The following HIBADH variants were observed in gnomAD, a reference collection of about 807,000 sequenced individuals.
HIBADH encodes the protein 3-hydroxyisobutyrate dehydrogenase.
In HIBADH, 25 loss-of-function variants were observed where a neutral mutation model predicts 36.1. The ratio of observed to expected loss-of-function variants is 0.69; its 90% confidence interval spans 0.50 to 0.97. The LOEUF is 0.97. Among genes scored for constraint, HIBADH ranks in the 50% least tolerant of loss-of-function variants. The pLI is 0.00. For missense variants in HIBADH, 421 were observed against 418.0 expected, an observed-to-expected ratio of 1.01 and a Z score of -0.06; for synonymous variants, 160 against 149.5, an observed-to-expected ratio of 1.07 and a Z score of -0.51.
At chr7:27,585,540 C>T (rs1784849693) in intron 4 of HIBADH, among the ~76,000 whole-genome samples, 1 of 152,162 alleles carries the variant, frequency 6.6e-6, no homozygotes, top group African/African-American at 2.4e-5. Flanking sequence ...TTCATTGTGG[C>T]TCACATTTCA....
chr7:27,573,682 C>G (rs937358706), intron 4 of HIBADH, among the ~76,000 whole-genome samples: 1 of 152,126 alleles, frequency 6.6e-6, no homozygotes, highest in Non-Finnish European at 1.5e-5. Context: ...GGCAGACTCT[C>G]TAAGGCTGTG....
At chr7:27,637,700 A>G in intron 2 of HIBADH, among the ~76,000 whole-genome samples, 1 of 152,200 alleles carries the variant, frequency 6.6e-6, no homozygotes, top group Non-Finnish European at 1.5e-5. Context: ...CCATAGTCTC[A>G]GCCCAAATCT....
rs749020380 is a variant in HIBADH at position 27,629,526 on chromosome 7, A to G, written c.363-34T>C. On this transcript the variant is annotated intron_variant, in intron 3 of 7. Coordinates refer to ENST00000265395, the MANE Select transcript of HIBADH (RefSeq NM_152740.4). ...ATAAATAAAAATATTTGTAGTTTAC[A>G]ACTCTGAGTAAAAATTTCATGCAAC... The G allele has an allele frequency of 2.8e-6, 4 of 1,448,784 alleles. No individual in the cohort carries two copies. In the African/African-American group the frequency reaches 4.3e-5, roughly 16 times the overall value. 89.7% of individuals were successfully genotyped at this position (1,448,784 alleles called of 1,614,324 possible). A position where few individuals can be genotyped will look rare whatever the true frequency, so the allele number is the denominator to read the frequency against.
chr7:27,589,470 C>T (rs1784910102), intron 4 of HIBADH, among the ~76,000 whole-genome samples: 1 of 152,148 alleles, frequency 6.6e-6, no homozygotes, highest in Admixed American at 6.5e-5. Flanking sequence ...GTAATTAACA[C>T]TATTCAGTAC....
intron 2 of HIBADH, among the ~76,000 whole-genome samples, chr7:27,644,779 T>C (rs992764498): frequency 6.7e-6 from 1 of 150,254 alleles, no homozygotes; most frequent in Non-Finnish European, 1.5e-5. Context: ...AAAAAAAAAA[T>C]CAGAAATCTT....
chr7:27,540,256 T>C (rs1784128755), intron 5 of HIBADH, among the ~76,000 whole-genome samples: 1 of 152,210 alleles, frequency 6.6e-6, no homozygotes, highest in Admixed American at 6.5e-5. Flanking sequence ...CGTTCTGCCA[T>C]ACTGTCTAAT....
chr7:27,544,694 T>C (rs1784209260), intron 4 of HIBADH, among the ~76,000 whole-genome samples: 1 of 152,204 alleles, frequency 6.6e-6, no homozygotes, highest in African/African-American at 2.4e-5. Context: ...ACGATTTAAG[T>C]CAAAGCTTAC....
At chr7:27,613,507 C>A (rs1003549440) in intron 4 of HIBADH, among the ~76,000 whole-genome samples, 10 of 151,778 alleles carry the variant, frequency 6.6e-5, no homozygotes, top group African/African-American at 2.4e-4. Flanking sequence ...TCCACTGGTT[C>A]CCCCCAGGTT....
At chr7:27,634,907 G>A (rs1011139583) in intron 2 of HIBADH, among the ~76,000 whole-genome samples, 1 of 152,216 alleles carries the variant, frequency 6.6e-6, no homozygotes, top group African/African-American at 2.4e-5. Context: ...TGCTTCTTGA[G>A]ATGGTTGCAT....
chr7:27,532,541 T>G (rs1481442715), intron 6 of HIBADH, among the ~76,000 whole-genome samples: 1 of 152,180 alleles, frequency 6.6e-6, no homozygotes, highest in Admixed American at 6.5e-5. Flanking sequence ...CAGCCAAAAA[T>G]ATGTATGGAA....
At position 27,526,163 on chromosome 7, in the gene HIBADH, G is replaced by A; in HGVS notation, c.*51C>T. 2 of 1,477,470 alleles carry A rather than the reference G, an allele frequency of 1.4e-6. No individual in the cohort carries two copies. Among genetic ancestry groups the A allele is most frequent in the East Asian group, 2.5e-5 (1 of 40,332 alleles). The allele number at this position is 1,477,470 out of a possible 1,614,324, so 91.5% of individuals were successfully genotyped here. On this transcript the variant is annotated 3_prime_UTR_variant, in exon 8 of 8. Coordinates refer to ENST00000265395, the MANE Select transcript of HIBADH (RefSeq NM_152740.4). ...TACTTGTGGAGTGAGCTAAAAGGAG[G>A]CTCCAAGACAGAGTTTGGTTCCCAA...
chr7:27,649,138 CAGG>C lies in HIBADH; in HGVS notation c.252+332_252+334del, dbSNP rs146554351. ...AAAGACATATGTGCTTTTAATAACA[CAGG>C]AGGTTATTTCCACCAAACTAACTAC... is the stretch of plus-strand genomic sequence containing the variant. On this transcript the variant is annotated intron_variant, in intron 2 of 7. Transcript: ENST00000265395. 1,065 of 177,694 alleles carry C rather than the reference CAGG, an allele frequency of 6.0e-3. 14 individuals are homozygous for C. The highest frequency in any genetic ancestry group is 0.023 in the African/African-American group (971 of 42,478). 11.0% of individuals were successfully genotyped at this position (177,694 alleles called of 1,614,324 possible). A position where few individuals can be genotyped will look rare whatever the true frequency, so the allele number is the denominator to read the frequency against.
intron 4 of HIBADH, among the ~76,000 whole-genome samples, chr7:27,613,124 T>TTTTATATATTTATATAAA (rs1191449956): frequency 9.1e-6 from 1 of 109,480 alleles, no homozygotes; most frequent in South Asian, 2.6e-4. Context: ...ATAAATATAT[T>TTTTATATATTTATATAAA]TATATATATT....
Position 27,580,717 on chromosome 7 carries a change from A to C in HIBADH, c.485-37617T>G, listed in dbSNP as rs540259603. On this transcript the variant is annotated intron_variant, in intron 4 of 7. Coordinates refer to ENST00000265395, the MANE Select transcript of HIBADH (RefSeq NM_152740.4). ...ATTATGTATTGTTACAGGCATTGAG[A>C]ATACAGCAATGAGCAAGAGAACAAA... Among the ~76,000 whole-genome samples the C allele has an allele frequency of 3.3e-5, 5 of 152,308 alleles. No individual in the cohort carries two copies. In the South Asian group the frequency reaches 1.0e-3, roughly 32 times the overall value.
intron 2 of HIBADH, among the ~76,000 whole-genome samples, chr7:27,643,263 G>A (rs1785995181): frequency 6.6e-6 from 1 of 152,148 alleles, no homozygotes; most frequent in Non-Finnish European, 1.5e-5. Context: ...TTAACCCATA[G>A]TGATTAGAGC....
intron 2 of HIBADH, among the ~76,000 whole-genome samples, chr7:27,636,091 GA>G: frequency 1.3e-5 from 2 of 152,320 alleles, no homozygotes; most frequent in Admixed American, 6.5e-5. Context: ...GCAGCATGAG[GA>G]GGGGGGTGAA....
chr7:27,548,183 CCT>C (rs199648836), intron 4 of HIBADH, among the ~76,000 whole-genome samples: 1 of 123,188 alleles, frequency 8.1e-6, no homozygotes, highest in South Asian at 3.0e-4. Context: ...TCTAAGTCAG[CCT>C]CTCTCTCTCT....
rs1356840089 is a variant in HIBADH at position 27,624,237 on chromosome 7, C to T, written c.484+5134G>A. On this transcript the variant is annotated intron_variant, in intron 4 of 7. Coordinates refer to ENST00000265395, the MANE Select transcript of HIBADH (RefSeq NM_152740.4). ...AATTTGTACGGACCAGAAAAGAGCC[C>T]GATTATTCAAATCAATCCTCAGCAA... Among the ~76,000 whole-genome samples, 7 of 151,990 alleles carry T rather than the reference C, an allele frequency of 4.6e-5. 1 individual carries two copies. The South Asian group carries it at 1.2e-3, about 27-fold the overall frequency.
intron 4 of HIBADH, among the ~76,000 whole-genome samples, chr7:27,613,808 G>C (rs1451216416): frequency 6.6e-6 from 1 of 151,746 alleles, no homozygotes; most frequent in South Asian, 2.1e-4. Context: ...ACAGGTACAC[G>C]CCACCATGCC....
Sources: gnomAD v4.1 joint callset for allele counts (sites outside exome capture counted in the v4.1 genomes callset) on GRCh38, gnomAD v4.1.1 for gene constraint, MANE v1.5 for transcripts, NCBI Gene and HGNC (gene_info 2026-07-23, HGNC 2026-07-21) for gene names.